Variants in CTNNA3 observed in about 807,000 individuals in gnomAD.
CTNNA3 encodes catenin alpha-3.
In CTNNA3, 76 loss-of-function variants were observed where a neutral mutation model predicts 95.7. The ratio of observed to expected loss-of-function variants is 0.79; its 90% confidence interval spans 0.66 to 0.96. The LOEUF is 0.96. Ranked by LOEUF, CTNNA3 falls within the 40% of genes least tolerant of loss-of-function variation. The probability of loss-of-function intolerance (pLI) is 0.00; values close to 1 mark genes in which losing one functional copy is unlikely to be tolerated. For synonymous variants in CTNNA3, 431 were observed against 374.4 expected, an observed-to-expected ratio of 1.15 and a Z score of -1.74; for missense variants, 1,191 against 1,089.8, an observed-to-expected ratio of 1.09 and a Z score of -1.31.
intron 13 of CTNNA3, among the ~76,000 whole-genome samples, chr10:66,215,133 GA>G (rs2088440474): frequency 6.6e-6 from 1 of 152,172 alleles, no homozygotes; most frequent in Admixed American, 6.5e-5. Flanking sequence ...AAATAACAGG[GA>G]TGATGGTTTC....
intron 13 of CTNNA3, among the ~76,000 whole-genome samples, chr10:66,277,687 C>G (rs188795910): frequency 6.6e-6 from 1 of 151,892 alleles, no homozygotes; most frequent in Non-Finnish European, 1.5e-5. Flanking sequence ...TAGAGGTTCC[C>G]CTAGAGGCTG....
At chr10:66,609,790 C>T (rs1214652957) in intron 10 of CTNNA3, among the ~76,000 whole-genome samples, 2 of 152,076 alleles carry the variant, frequency 1.3e-5, no homozygotes, top group African/African-American at 4.8e-5. Flanking sequence ...CATAAAGACA[C>T]ATGTATGTGT....
intron 11 of CTNNA3, among the ~76,000 whole-genome samples, chr10:66,400,072 T>C (rs989229481): frequency 1.3e-5 from 2 of 152,058 alleles, no homozygotes; most frequent in Non-Finnish European, 2.9e-5. Context: ...TACATACATA[T>C]GCTTTTTATA....
intron 11 of CTNNA3, among the ~76,000 whole-genome samples, chr10:66,472,469 G>A (rs1161960350): frequency 1.3e-5 from 2 of 151,944 alleles, no homozygotes; most frequent in Non-Finnish European, 2.9e-5. Flanking sequence ...CAAATTTGGG[G>A]ACTGTGGCTG....
intron 7 of CTNNA3, among the ~76,000 whole-genome samples, chr10:67,071,591 T>C (rs1856468759): frequency 1.3e-5 from 2 of 152,126 alleles, no homozygotes; most frequent in Non-Finnish European, 1.5e-5. Flanking sequence ...CTATGAATGT[T>C]TTTATTGTAT....
chr10:67,701,512 A>T (rs1222401264), intron 1 of CTNNA3, among the ~76,000 whole-genome samples: 2 of 152,240 alleles, frequency 1.3e-5, no homozygotes, highest in East Asian at 3.8e-4. Context: ...AGAATTTCAT[A>T]TCCAGCCAAA....
At chr10:67,693,921 A>G (rs571168564) in intron 1 of CTNNA3, among the ~76,000 whole-genome samples, 2 of 152,298 alleles carry the variant, frequency 1.3e-5, no homozygotes, top group South Asian at 2.1e-4. Context: ...GAAAAACCCA[A>G]TACTGAATTG....
chr10:66,753,391 G>A (rs183843607), intron 9 of CTNNA3, among the ~76,000 whole-genome samples: 4 of 152,040 alleles, frequency 2.6e-5, no homozygotes, highest in Admixed American at 2.0e-4. Context: ...GGCCAGGCAC[G>A]GTGACTCATA....
intron 10 of CTNNA3, among the ~76,000 whole-genome samples, chr10:66,522,657 G>A (rs917210858): frequency 2.0e-5 from 3 of 151,688 alleles, no homozygotes; most frequent in Admixed American, 6.6e-5. Flanking sequence ...TTCCTTTATG[G>A]ATTACCCAGT....
intron 7 of CTNNA3, chr10:66,928,156 C>G: frequency 6.2e-7 from 1 of 1,614,104 alleles, no homozygotes; most frequent in African/African-American, 1.3e-5. Context: ...TGACGCCGAG[C>G]ACATCTCTTT....
Position 66,142,748 on chromosome 10 carries a change from T to C in CTNNA3, c.1885-39499A>G, listed in dbSNP as rs1038273087. ...TTAAGAATTAGAGACCTCACCACAA[T>C]GCATAATACTTGTTTTTGGGTAGTT... On this transcript the variant is annotated intron_variant, in intron 13 of 17. Transcript: ENST00000433211. 2.0e-5 allele frequency among the ~76,000 whole-genome samples: 3 copies of C among 152,110 alleles called. No individual in the cohort carries two copies. In the South Asian group the frequency reaches 6.2e-4, roughly 31 times the overall value.
chr10:66,748,072 G>A (rs1345574435), intron 9 of CTNNA3, among the ~76,000 whole-genome samples: 3 of 152,080 alleles, frequency 2.0e-5, no homozygotes, highest in African/African-American at 7.2e-5. Flanking sequence ...TTACCACAGA[G>A]CTCATCGACT....
At chr10:66,468,258 C>T (rs74141505) in intron 11 of CTNNA3, among the ~76,000 whole-genome samples, 3 of 151,844 alleles carry the variant, frequency 2.0e-5, no homozygotes, top group Non-Finnish European at 4.4e-5. Context: ...GAATTAATTG[C>T]GATGTATTTC....
At chr10:66,036,859 C>T (rs1382352707) in intron 15 of CTNNA3, among the ~76,000 whole-genome samples, 4 of 139,756 alleles carry the variant, frequency 2.9e-5, no homozygotes, top group Non-Finnish European at 6.1e-5. Context: ...TATAGTAGTT[C>T]CAATTTTTTT....
intron 13 of CTNNA3, among the ~76,000 whole-genome samples, chr10:66,125,060 A>G (rs2082758312): frequency 6.6e-6 from 1 of 152,194 alleles, no homozygotes; most frequent in African/African-American, 2.4e-5. Flanking sequence ...TCTCAGACAA[A>G]CAAATCTTGG....
intron 11 of CTNNA3, among the ~76,000 whole-genome samples, chr10:66,454,362 A>G (rs553194154): frequency 6.6e-6 from 1 of 152,338 alleles, no homozygotes; most frequent in Non-Finnish European, 1.5e-5. Flanking sequence ...TCAAAGAAAA[A>G]AAGGAGAAAG....
chr10:66,731,082 T>A (rs1337265930), intron 9 of CTNNA3, among the ~76,000 whole-genome samples: 1 of 152,202 alleles, frequency 6.6e-6, no homozygotes, highest in African/African-American at 2.4e-5. Flanking sequence ...TTCAATAGAT[T>A]CAGTCTTCCT....
intron 7 of CTNNA3, among the ~76,000 whole-genome samples, chr10:66,845,591 T>C (rs1843215905): frequency 6.7e-6 from 1 of 149,720 alleles, no homozygotes. Context: ...TAATCCCAGC[T>C]ACTCAGGAGG....
intron 11 of CTNNA3, among the ~76,000 whole-genome samples, chr10:66,478,416 A>G (rs1440610039): frequency 3.3e-5 from 5 of 152,076 alleles, no homozygotes; most frequent in Non-Finnish European, 7.4e-5. Flanking sequence ...CTTTATTAAG[A>G]TAATTTTTAT....
Sources: gnomAD v4.1 joint callset for allele counts (sites outside exome capture counted in the v4.1 genomes callset) on GRCh38, gnomAD v4.1.1 for gene constraint, MANE v1.5 for transcripts, NCBI Gene and HGNC (gene_info 2026-07-23, HGNC 2026-07-21) for gene names.